METTL15: variants seen among roughly 807,000 people sequenced by gnomAD.
The protein encoded by METTL15 is methyltransferase 15, mitochondrial 12S rRNA N4-cytidine, also known as 12S rRNA N(4)-cytidine methyltransferase METTL15.
Under a neutral mutation model 38.3 loss-of-function variants are expected in METTL15, and 34 were observed. The observed-to-expected ratio is 0.89, with a 90% confidence interval of 0.68 to 1.18. The LOEUF (loss-of-function observed/expected upper bound fraction) is 1.18, where lower values mean the gene tolerates loss of function less well. Ranked by LOEUF, METTL15 falls within the 50% of genes most tolerant of loss-of-function variation. METTL15 has a pLI of 0.00. For missense variants in METTL15, 438 were observed against 498.4 expected (o/e 0.88, Z 1.15); for synonymous variants, 162 against 170.9 (o/e 0.95, Z 0.41).
intron 3 of METTL15, among the ~76,000 whole-genome samples, chr11:28,200,468 G>A (rs1214030076): frequency 2.6e-5 from 4 of 152,048 alleles, no homozygotes; most frequent in African/African-American, 7.2e-5. Flanking sequence ...ATACATAGTC[G>A]TTATTATTAC....
intron 5 of METTL15, among the ~76,000 whole-genome samples, chr11:28,389,496 C>A (rs1850478854): frequency 6.7e-6 from 1 of 149,998 alleles, no homozygotes; most frequent in Non-Finnish European, 1.5e-5. Context: ...ATTTTTTGTC[C>A]TTGCGATAGT....
At chr11:28,448,292 G>C (rs1851091507) in intron 6 of METTL15, among the ~76,000 whole-genome samples, 1 of 152,192 alleles carries the variant, frequency 6.6e-6, no homozygotes, top group African/African-American at 2.4e-5. Context: ...GGTTCCTGCT[G>C]CATGAATAGA....
chr11:28,236,500 A>C (rs1049877456), intron 4 of METTL15, among the ~76,000 whole-genome samples: 1 of 152,218 alleles, frequency 6.6e-6, no homozygotes, highest in Admixed American at 6.5e-5. Context: ...TTATTGGTCT[A>C]TTCAGAGATT....
chr11:28,375,657 T>C (rs1850301885), intron 5 of METTL15, among the ~76,000 whole-genome samples: 1 of 152,174 alleles, frequency 6.6e-6, no homozygotes, highest in African/African-American at 2.4e-5. Flanking sequence ...TTTTTGTGTC[T>C]CTATTTCCTT....
chr11:28,350,976 T>G (rs913810007), intron 3 of METTL15, among the ~76,000 whole-genome samples: 1 of 152,176 alleles, frequency 6.6e-6, no homozygotes, highest in Non-Finnish European at 1.5e-5. Flanking sequence ...GTACCTGGAT[T>G]TGAGAAGTTT....
intron 3 of METTL15, among the ~76,000 whole-genome samples, chr11:28,131,482 T>G (rs1340644246): frequency 6.6e-6 from 1 of 150,782 alleles, no homozygotes; most frequent in Non-Finnish European, 1.5e-5. Flanking sequence ...TTTTCTTCCT[T>G]TCTACTATAC....
chr11:28,423,019 C>T (rs1354533802), intron 5 of METTL15, among the ~76,000 whole-genome samples: 1 of 151,690 alleles, frequency 6.6e-6, no homozygotes, highest in Non-Finnish European at 1.5e-5. Context: ...AACAATAATC[C>T]AATTTTTAAA....
At chr11:28,175,736 A>G (rs1401629937) in intron 3 of METTL15, among the ~76,000 whole-genome samples, 1 of 152,138 alleles carries the variant, frequency 6.6e-6, no homozygotes, top group Non-Finnish European at 1.5e-5. Flanking sequence ...TTGAACTTAT[A>G]TCCAGAATTG....
At chr11:28,444,500 C>G (rs886607680) in intron 6 of METTL15, among the ~76,000 whole-genome samples, 1 of 152,162 alleles carries the variant, frequency 6.6e-6, no homozygotes, top group Non-Finnish European at 1.5e-5. Context: ...GACAGTACTA[C>G]TCAACTGTAA....
At chr11:28,203,825 G>A (rs1306966118) in intron 3 of METTL15, among the ~76,000 whole-genome samples, 3 of 152,058 alleles carry the variant, frequency 2.0e-5, no homozygotes, top group Non-Finnish European at 4.4e-5. Context: ...GTAAAGGAGA[G>A]TGATTAGCAA....
chr11:28,132,617 A>G (rs1263336272), intron 3 of METTL15, among the ~76,000 whole-genome samples: 2 of 152,288 alleles, frequency 1.3e-5, no homozygotes, highest in Middle Eastern at 3.4e-3. Context: ...TTCATAAACT[A>G]TAACTGAGTT....
chr11:28,171,749 A>G (rs1454146064), intron 3 of METTL15, among the ~76,000 whole-genome samples: 1 of 151,210 alleles, frequency 6.6e-6, no homozygotes, highest in Non-Finnish European at 1.5e-5. Context: ...AAAATTTTCA[A>G]ATCTTTGTTT....
chr11:28,354,159 T>C (rs1435960585), intron 4 of METTL15, among the ~76,000 whole-genome samples: 1 of 152,124 alleles, frequency 6.6e-6, no homozygotes, highest in Non-Finnish European at 1.5e-5. Context: ...TCTATGGGGC[T>C]AGGAAAGGTC....
chr11:28,140,378 G>A (rs1160393031), intron 3 of METTL15, among the ~76,000 whole-genome samples: 4 of 152,118 alleles, frequency 2.6e-5, no homozygotes, highest in African/African-American at 9.7e-5. Flanking sequence ...AGTGATAGGG[G>A]TTTTTGGGGG....
intron 5 of METTL15, among the ~76,000 whole-genome samples, chr11:28,393,431 G>T (rs987139686): frequency 2.0e-5 from 3 of 152,086 alleles, no homozygotes. Flanking sequence ...CGGTGTCTAT[G>T]GGTCAGGAAT....
chr11:28,132,374 TA>T (rs1409705774), intron 3 of METTL15, among the ~76,000 whole-genome samples: 2 of 152,068 alleles, frequency 1.3e-5, no homozygotes. Context: ...TCTTTCATAT[TA>T]AAATATATAT....
chr11:28,188,523 G>C (rs1180480882), intron 3 of METTL15, among the ~76,000 whole-genome samples: 2 of 151,122 alleles, frequency 1.3e-5, no homozygotes, highest in African/African-American at 4.8e-5. Context: ...TTACTTACTA[G>C]CTTATAATAT....
At chr11:28,251,284 A>G (rs1054839744) in intron 4 of METTL15, among the ~76,000 whole-genome samples, 1 of 152,082 alleles carries the variant, frequency 6.6e-6, no homozygotes, top group African/African-American at 2.4e-5. Flanking sequence ...TTGCTAAACA[A>G]GAAACATGCT....
chr11:28,208,627 C>T (rs932533777), intron 3 of METTL15, among the ~76,000 whole-genome samples: 4 of 152,082 alleles, frequency 2.6e-5, no homozygotes, highest in South Asian at 2.1e-4. Flanking sequence ...CTATTAGGTC[C>T]GCTTTGTGCA....
Sources: gnomAD v4.1 joint callset for allele counts (sites outside exome capture counted in the v4.1 genomes callset) on GRCh38, gnomAD v4.1.1 for gene constraint, MANE v1.5 for transcripts, NCBI Gene and HGNC (gene_info 2026-07-23, HGNC 2026-07-21) for gene names.